Variants in SPEF2 observed in about 807,000 individuals in gnomAD.
SPEF2 encodes sperm flagella and cilia-associated protein 2.
SPEF2 carries 187 observed loss-of-function variants against 224.6 expected under a neutral mutation model. The ratio of observed to expected loss-of-function variants is 0.83; its 90% CI spans 0.74 to 0.94. The LOEUF (loss-of-function observed/expected upper bound fraction) is 0.94, where lower values mean the gene tolerates loss of function less well. Among genes scored for constraint, SPEF2 ranks in the 40% least tolerant of loss-of-function variants. SPEF2 has a pLI of 0.00. For missense variants in SPEF2, 2,170 were observed against 2,135.6 expected (o/e 1.02, Z -0.32); for synonymous variants, 715 against 707.3 (o/e 1.01, Z -0.17).
chr5:35,635,483 A>G (rs548527467), intron 2 of SPEF2, among the ~76,000 whole-genome samples: 2 of 152,244 alleles, frequency 1.3e-5, no homozygotes, highest in South Asian at 2.1e-4. Flanking sequence ...TAGTATATTG[A>G]CTTTGGAAAC....
At chr5:35,683,311 G>C (rs1250220550) in intron 10 of SPEF2, among the ~76,000 whole-genome samples, 1 of 152,150 alleles carries the variant, frequency 6.6e-6, no homozygotes, top group Non-Finnish European at 1.5e-5. Flanking sequence ...GGAAAGGTCA[G>C]TGTAGGTCAA....
intron 30 of SPEF2, among the ~76,000 whole-genome samples, chr5:35,785,585 C>T (rs1754988934): frequency 6.6e-6 from 1 of 151,522 alleles, no homozygotes. Flanking sequence ...CACTCTGTAG[C>T]TCAGGGTAGA....
At chr5:35,713,490 G>C (rs144952135) in intron 20 of SPEF2, among the ~76,000 whole-genome samples, 6,052 of 151,668 alleles carry the variant, frequency 0.04, 203 homozygotes, top group African/African-American at 0.077. Context: ...AATCCCATCA[G>C]TTTGGGAGGC....
chr5:35,641,535 A>G lies in SPEF2; in HGVS notation c.266A>G (p.Lys89Arg). 1 of 1,613,868 alleles carries G rather than the reference A, an allele frequency of 6.2e-7. No individual in the cohort carries two copies. Among genetic ancestry groups the G allele is most frequent in the Non-Finnish European group, 8.5e-7 (1 of 1,179,860 alleles). The change falls in exon 3 of 37, where the codon AAG becomes AGG. Residue 89 changes from lysine (K) to arginine (R), a missense_variant. Lys to Arg is a conservative substitution (Grantham distance 26). Transcript: ENST00000356031. The stretch of plus-strand genomic sequence containing the variant: ...GTGGCCCATGGCATCATCACAGAAA[A>G]GCCTGGGGTGGCAACAAAGCTGTTA... ...QNVAHGIITEKPGVATKLLYQ... is the reference protein window; with the variant it reads ...QNVAHGIITERPGVATKLLYQ...
At chr5:35,669,938 T>C in intron 9 of SPEF2, 121 bp from the exon 10 acceptor site, 1 of 745,110 alleles carries the variant, frequency 1.3e-6, no homozygotes. Context: ...AGATCATTTT[T>C]CAGTAATTAT....
At chr5:35,666,814 T>C (rs1191054554) in intron 8 of SPEF2, among the ~76,000 whole-genome samples, 2 of 152,210 alleles carry the variant, frequency 1.3e-5, no homozygotes, top group African/African-American at 2.4e-5. Context: ...TTAATCCACA[T>C]TGGGCTTTCC....
At chr5:35,746,420 T>C (rs1365374440) in intron 23 of SPEF2, among the ~76,000 whole-genome samples, 1 of 151,904 alleles carries the variant, frequency 6.6e-6, no homozygotes, top group African/African-American at 2.4e-5. Flanking sequence ...ATCCAAAAAA[T>C]GATACAAGGA....
chr5:35,811,920 G>A (rs1196019315), intron 36 of SPEF2, among the ~76,000 whole-genome samples: 1 of 151,816 alleles, frequency 6.6e-6, no homozygotes, highest in African/African-American at 2.4e-5. Flanking sequence ...GAGTAGCTGG[G>A]ACTACAGGTG....
At chr5:35,673,627 T>C (rs1751485503) in intron 10 of SPEF2, among the ~76,000 whole-genome samples, 1 of 152,220 alleles carries the variant, frequency 6.6e-6, no homozygotes, top group African/African-American at 2.4e-5. Flanking sequence ...CAGCACATCA[T>C]CCATGTTGTC....
chr5:35,713,088 T>A (rs1395272660), intron 20 of SPEF2, among the ~76,000 whole-genome samples: 1 of 152,142 alleles, frequency 6.6e-6, no homozygotes, highest in African/African-American at 2.4e-5. Flanking sequence ...AAAGTGATGC[T>A]TGCAGGGATA....
At chr5:35,654,476 C>T in intron 6 of SPEF2, 64 bp from the exon 7 acceptor site, 1 of 1,341,152 alleles carries the variant, frequency 7.5e-7, no homozygotes, top group Non-Finnish European at 1.0e-6. Flanking sequence ...TCTCCATAGT[C>T]ACAGATAGTG....
At chr5:35,636,529 G>C (rs1162151534) in intron 2 of SPEF2, among the ~76,000 whole-genome samples, 1 of 152,106 alleles carries the variant, frequency 6.6e-6, no homozygotes, top group Admixed American at 6.5e-5. Context: ...TGGTTTTACT[G>C]TCTCAGGTAA....
rs1242156951 is a variant in SPEF2, at chr5:35,812,204, G to A, written c.5380-2260G>A. On this transcript the variant is annotated intron_variant, in intron 36 of 36. Coordinates refer to ENST00000356031, the MANE Select transcript of SPEF2 (RefSeq NM_024867.4). ...AATTCTGAATCACGTGCAATTATAT[G>A]TGGATGGACTAGTGAGCTGGCATCT... Among the ~76,000 whole-genome samples, 6 of 152,144 alleles carry A rather than the reference G, an allele frequency of 3.9e-5. No homozygotes were observed. The South Asian group carries it at 1.2e-3, about 32-fold the overall frequency.
chr5:35,748,900 A>C (rs565048671), intron 23 of SPEF2, among the ~76,000 whole-genome samples: 39 of 152,292 alleles, frequency 2.6e-4, no homozygotes, highest in Non-Finnish European at 5.0e-4. Context: ...TTACAGACCG[A>C]TATCCTTGAT....
At chr5:35,658,556 T>C (rs1015123848) in intron 7 of SPEF2, among the ~76,000 whole-genome samples, 3 of 152,130 alleles carry the variant, frequency 2.0e-5, no homozygotes, top group Non-Finnish European at 4.4e-5. Context: ...TCTGAAAACA[T>C]GCTTTTAAGT....
rs766983734 is a variant in SPEF2, at chr5:35,773,937, A to G, written c.3994A>G (p.Thr1332Ala). 40 of 1,613,310 alleles carry G rather than the reference A, an allele frequency of 2.5e-5. No individual in the cohort carries two copies. The highest frequency in any genetic ancestry group is 3.1e-5 in the Non-Finnish European group (36 of 1,179,600). The change falls in exon 28 of 37, where the codon ACA (threonine) becomes GCA (alanine). Residue 1332 changes from threonine (T) to alanine (A), a missense_variant. Physicochemically the swap from Thr to Ala is moderately conservative, Grantham distance 58. Coordinates refer to ENST00000356031, the MANE Select transcript of SPEF2 (RefSeq NM_024867.4). ...AGAAGCAACTCCTGTCATAGTAACA[A>G]CAGAGGAAATTGCTGAAATCAAAAG... ...MAEATPVIVT[T>A]EEIAEIKRKN...
chr5:35,711,645 CGT>C (rs2149598892), intron 19 of SPEF2, among the ~76,000 whole-genome samples: 1 of 146,134 alleles, frequency 6.8e-6, no homozygotes, highest in African/African-American at 2.5e-5. Flanking sequence ...TATCATCCCC[CGT>C]CTTTCTTCCA....
chr5:35,729,080 C>CT (rs759126673), intron 21 of SPEF2, among the ~76,000 whole-genome samples: 3 of 152,074 alleles, frequency 2.0e-5, no homozygotes, highest in Non-Finnish European at 2.9e-5. Flanking sequence ...AAAAACAGGA[C>CT]TTTTTTTAAA....
intron 26 of SPEF2, among the ~76,000 whole-genome samples, chr5:35,765,672 T>C (rs1269621325): frequency 6.6e-6 from 1 of 152,182 alleles, no homozygotes; most frequent in African/African-American, 2.4e-5. Flanking sequence ...TGAGCAAATC[T>C]TCCCATCTTG....
Sources: gnomAD v4.1 joint callset for allele counts (sites outside exome capture counted in the v4.1 genomes callset) on GRCh38, gnomAD v4.1.1 for gene constraint, MANE v1.5 for transcripts, NCBI Gene and HGNC (gene_info 2026-07-23, HGNC 2026-07-21) for gene names.